The following ANKRD28 variants were observed in gnomAD, a reference collection of about 807,000 sequenced individuals.
ANKRD28 encodes the protein serine/threonine-protein phosphatase 6 regulatory ankyrin repeat subunit A.
ANKRD28 carries 44 observed loss-of-function variants against 126.5 expected under a neutral mutation model. That is an observed-to-expected ratio of 0.35 (90% CI 0.27 to 0.45). The LOEUF is 0.45. Among genes scored for constraint, ANKRD28 ranks in the 20% least tolerant of loss-of-function variants. The probability of loss-of-function intolerance (pLI) is 1.00; values close to 1 mark genes in which losing one functional copy is unlikely to be tolerated. For synonymous variants in ANKRD28, 442 were observed against 468.5 expected (o/e 0.94, Z 0.73); for missense variants, 1,110 against 1,316.6 (o/e 0.84, Z 2.43).
intron 14 of ANKRD28, among the ~76,000 whole-genome samples, chr3:15,697,010 C>T (rs768286061): frequency 1.1e-4 from 16 of 152,046 alleles, no homozygotes; most frequent in Non-Finnish European, 2.1e-4. Context: ...CAGTACAATT[C>T]GCAATTGCAA....
At chr3:15,766,369 T>A in intron 2 of ANKRD28, 57 bp from the exon 3 acceptor site, 1 of 1,272,724 alleles carries the variant, frequency 7.9e-7, no homozygotes, top group Non-Finnish European at 1.1e-6. Flanking sequence ...ATTTTAATAA[T>A]AGTTTTAATA....
At chr3:15,765,571 G>A (rs779505926) in intron 3 of ANKRD28, among the ~76,000 whole-genome samples, 4 of 152,096 alleles carry the variant, frequency 2.6e-5, no homozygotes, top group Non-Finnish European at 4.4e-5. Context: ...GGCGGGCATG[G>A]TGGCTCACTC....
Position 15,848,864 on chromosome 3 carries a change from T to C in ANKRD28, c.27+10513A>G, listed in dbSNP as rs527552172. Among the ~76,000 whole-genome samples, 5 of 152,210 alleles carry C rather than the reference T, an allele frequency of 3.3e-5. No individual in the cohort carries two copies. In the South Asian group the frequency reaches 1.0e-3, roughly 32 times the overall value. On this transcript the variant is annotated intron_variant, in intron 1 of 27. Transcript: ENST00000399451. ...GAACACCGTACTGGAGGTTCTAGTC[T>C]GGGCAAGTAAGCAAGAAATAAAAAG...
intron 12 of ANKRD28, among the ~76,000 whole-genome samples, chr3:15,710,360 G>C (rs2072074969): frequency 6.6e-6 from 1 of 152,166 alleles, no homozygotes; most frequent in South Asian, 2.1e-4. Flanking sequence ...TAACTGTCAA[G>C]TGATCAGACA....
At chr3:15,775,512 C>G (rs1056836142) in intron 2 of ANKRD28, among the ~76,000 whole-genome samples, 1 of 152,182 alleles carries the variant, frequency 6.6e-6, no homozygotes, top group Non-Finnish European at 1.5e-5. Flanking sequence ...ACTTCAGATG[C>G]CAGTCCCTAC....
intron 1 of ANKRD28, among the ~76,000 whole-genome samples, chr3:15,826,092 C>T (rs1473040515): frequency 6.6e-6 from 1 of 152,122 alleles, no homozygotes; most frequent in Non-Finnish European, 1.5e-5. Context: ...ACATATCTAT[C>T]TCAGAGAAAC....
At chr3:15,762,179 CTA>C (rs1171123137) in intron 3 of ANKRD28, among the ~76,000 whole-genome samples, 5 of 98,822 alleles carry the variant, frequency 5.1e-5, no homozygotes, top group African/African-American at 2.2e-4. Context: ...CAGAGCAAGA[CTA>C]TGTCTTTAAA....
intron 18 of ANKRD28, among the ~76,000 whole-genome samples, chr3:15,689,495 A>G (rs979004965): frequency 6.6e-6 from 1 of 152,226 alleles, no homozygotes; most frequent in Admixed American, 6.5e-5. Context: ...TTGTTTTCCA[A>G]GAGAGGCCAC....
At chr3:15,679,777 C>G (rs899969717) in intron 21 of ANKRD28, among the ~76,000 whole-genome samples, 4 of 152,126 alleles carry the variant, frequency 2.6e-5, no homozygotes, top group Non-Finnish European at 5.9e-5. Flanking sequence ...AAAATACATA[C>G]AGTTGGCTCT....
intron 4 of ANKRD28, among the ~76,000 whole-genome samples, chr3:15,741,736 T>TTTTTTTTTTA (rs1257965938): frequency 1.0e-5 from 1 of 98,134 alleles, no homozygotes; most frequent in Non-Finnish European, 2.1e-5. Flanking sequence ...TTTTTTTTTT[T>TTTTTTTTTTA]TAGCAATTCT....
chr3:15,695,038 C>T, intron 16 of ANKRD28, 150 bp downstream of exon 16: 1 of 745,450 alleles, frequency 1.3e-6, no homozygotes, highest in East Asian at 2.7e-5. Context: ...TAAACATCTT[C>T]CTTTCCTCTG....
chr3:15,763,104 G>C (rs2058576075), intron 3 of ANKRD28, among the ~76,000 whole-genome samples: 1 of 152,076 alleles, frequency 6.6e-6, no homozygotes, highest in Non-Finnish European at 1.5e-5. Flanking sequence ...ATCTAGCCTT[G>C]GATTTTACTC....
In ANKRD28 at chr3:15,832,053, CA is replaced by C. The variant is rs553850090; in HGVS notation, c.27+27323del. Among the ~76,000 whole-genome samples, 16 of 152,146 alleles carry C rather than the reference CA, an allele frequency of 1.1e-4. No individual in the cohort carries two copies. In the East Asian group the frequency reaches 2.9e-3, roughly 28 times the overall value. Reference sequence around the variant, plus strand: ...CAGCAATTGAGTGTCCACTATATGCCAAAGCATTGTTACAGGTGCTGGAGAC... The same window carrying C: ...CAGCAATTGAGTGTCCACTATATGCCAAGCATTGTTACAGGTGCTGGAGAC... On this transcript the variant is annotated intron_variant, in intron 1 of 27. Coordinates refer to the ANKRD28 transcript ENST00000399451.
chr3:15,752,462 C>T (rs2057916747), intron 3 of ANKRD28, among the ~76,000 whole-genome samples: 2 of 152,030 alleles, frequency 1.3e-5, no homozygotes, highest in Non-Finnish European at 2.9e-5. Context: ...AAAAATTAAC[C>T]TTAATAGAAT....
chr3:15,724,608 T>A (rs957632426), intron 6 of ANKRD28, 84 bp from the exon 7 acceptor site: 9 of 1,297,034 alleles, frequency 6.9e-6, no homozygotes, highest in African/African-American at 4.5e-5. Flanking sequence ...TAAGCAAATT[T>A]AAAAAATGCA....
intron 14 of ANKRD28, among the ~76,000 whole-genome samples, chr3:15,699,749 G>A (rs2070272160): frequency 1.3e-5 from 2 of 152,206 alleles, no homozygotes; most frequent in Non-Finnish European, 2.9e-5. Flanking sequence ...ATGCTGGAGA[G>A]GATGTGGAGA....
intron 1 of ANKRD28, among the ~76,000 whole-genome samples, chr3:15,849,794 T>C (rs372623568): frequency 8.5e-5 from 13 of 152,354 alleles, no homozygotes; most frequent in African/African-American, 2.9e-4. Flanking sequence ...GTCTAAAAAG[T>C]ATAAAAGCAT....
At chr3:15,745,115 T>C (rs959316591) in intron 4 of ANKRD28, among the ~76,000 whole-genome samples, 3 of 152,232 alleles carry the variant, frequency 2.0e-5, no homozygotes, top group Admixed American at 6.5e-5. Flanking sequence ...TTTGAGTTCC[T>C]TGTAGATTCT....
At chr3:15,764,416 A>C (rs2058640497) in intron 3 of ANKRD28, among the ~76,000 whole-genome samples, 1 of 152,178 alleles carries the variant, frequency 6.6e-6, no homozygotes, top group Non-Finnish European at 1.5e-5. Flanking sequence ...TACTTACAGA[A>C]ACCAGGAAGT....
Sources: allele counts gnomAD v4.1 joint callset (sites outside exome capture counted in the v4.1 genomes callset), GRCh38; gene constraint gnomAD v4.1.1; transcripts MANE v1.5; gene names NCBI Gene and HGNC (gene_info 2026-07-23, HGNC 2026-07-21).